Variants in CEP350 observed in about 807,000 individuals in gnomAD.
CEP350 encodes the protein centrosome-associated protein 350.
In CEP350, 126 loss-of-function variants were observed where a neutral mutation model predicts 331.8. The ratio of observed to expected loss-of-function variants is 0.38; its 90% CI spans 0.33 to 0.44. The LOEUF (loss-of-function observed/expected upper bound fraction) is 0.44. Among genes scored for constraint, CEP350 ranks in the 20% least tolerant of loss-of-function variants. The probability of loss-of-function intolerance (pLI) is 1.00; values close to 1 mark genes in which losing one functional copy is unlikely to be tolerated. For missense variants in CEP350, 3,406 were observed against 3,634.6 expected (o/e 0.94, Z 1.62); for synonymous variants, 1,200 against 1,259.5 (o/e 0.95, Z 1.00).
chr1:180,097,956 A>T (rs1382173838), intron 36 of CEP350, among the ~76,000 whole-genome samples: 1 of 151,906 alleles, frequency 6.6e-6, no homozygotes, highest in Non-Finnish European at 1.5e-5. Context: ...AGCTAATGGT[A>T]GTTTTGTTGT....
At position 180,084,168 on chromosome 1, in the gene CEP350, A is replaced by G; in HGVS notation, c.6275A>G (p.Lys2092Arg). Residue 2092 changes from lysine (K) to arginine (R), a missense_variant, in exon 31 of 38, where the codon AAG becomes AGG. Transcript: ENST00000367607. ...AAAGCCCAAGAAGCCAGTCTGATCA[A>G]GCAGTTAGAGGTTAGACATAGGAAG... ...RLKAQEASLI[K>R]QLESYDEFIK... 6.3e-7 allele frequency: 1 copy of G among 1,588,728 alleles called. No homozygotes were observed. Among genetic ancestry groups the G allele is most frequent in the Non-Finnish European group, 8.6e-7 (1 of 1,166,840 alleles).
At chr1:180,049,018 T>C (rs777619796) in intron 22 of CEP350, among the ~76,000 whole-genome samples, 1 of 152,108 alleles carries the variant, frequency 6.6e-6, no homozygotes, top group Non-Finnish European at 1.5e-5. Context: ...CAGTGAGCTA[T>C]GATTGAGACA....
At chr1:180,089,484 G>A (rs1286174983) in intron 32 of CEP350, among the ~76,000 whole-genome samples, 1 of 151,846 alleles carries the variant, frequency 6.6e-6, no homozygotes, top group Non-Finnish European at 1.5e-5. Flanking sequence ...TCAGGAGGCT[G>A]AGGCAGGAGC....
intron 27 of CEP350, 151 bp downstream of exon 27, chr1:180,065,423 G>A (rs2149023707): frequency 2.8e-6 from 1 of 361,204 alleles, no homozygotes. Context: ...TAACCTAGAA[G>A]CCAATTAACT....
At chr1:180,042,449 T>C (rs1432662303) in intron 19 of CEP350, among the ~76,000 whole-genome samples, 1 of 152,244 alleles carries the variant, frequency 6.6e-6, no homozygotes, top group Non-Finnish European at 1.5e-5. Context: ...GTTAGTACTA[T>C]TTGTAAAATG....
At chr1:180,107,914 A>T (rs1049024992) in intron 37 of CEP350, among the ~76,000 whole-genome samples, 1 of 152,208 alleles carries the variant, frequency 6.6e-6, no homozygotes, top group East Asian at 1.9e-4. Context: ...TAAATGTATT[A>T]ATTTTTACAT....
intron 25 of CEP350, among the ~76,000 whole-genome samples, chr1:180,056,452 T>G: frequency 7.2e-6 from 1 of 138,694 alleles, no homozygotes; most frequent in Admixed American, 7.1e-5. Context: ...TCTTCATGTA[T>G]TGCTTCTGCC....
rs533702619 is a variant in CEP350, at chr1:180,056,595, C to T, written c.5262+2093C>T. Among the ~76,000 whole-genome samples the T allele has an allele frequency of 2.6e-5, 4 of 151,702 alleles. No individual in the cohort carries two copies. In the East Asian group the frequency reaches 7.8e-4, roughly 29 times the overall value. ...AGCAATCCTCTCACCTAAGCCTCCC[C>T]TGTAGCTGGGACCACAGGTGTGCGC... On this transcript the variant is annotated intron_variant, in intron 25 of 37. Coordinates refer to ENST00000367607, the MANE Select transcript of CEP350 (RefSeq NM_014810.5).
At chr1:179,966,074 C>T (rs1210470870) in intron 1 of CEP350, among the ~76,000 whole-genome samples, 4 of 152,172 alleles carry the variant, frequency 2.6e-5, no homozygotes, top group African/African-American at 9.7e-5. Flanking sequence ...CTTACTTTAC[C>T]TGGCAACCTA....
intron 22 of CEP350, among the ~76,000 whole-genome samples, chr1:180,050,738 C>T (rs1024822860): frequency 8.1e-5 from 12 of 147,816 alleles, no homozygotes; most frequent in East Asian, 7.9e-4. Context: ...TACAAATGTA[C>T]GGAAGATCTG....
chr1:180,099,273 T>C (rs2149159338), intron 37 of CEP350, among the ~76,000 whole-genome samples: 1 of 152,336 alleles, frequency 6.6e-6, no homozygotes, highest in Admixed American at 6.5e-5. Context: ...CAGTGTGGAC[T>C]CTGGAGCCTG....
At chr1:180,050,533 T>G (rs1657415089) in intron 22 of CEP350, among the ~76,000 whole-genome samples, 1 of 151,794 alleles carries the variant, frequency 6.6e-6, no homozygotes, top group Admixed American at 6.6e-5. Flanking sequence ...CATGGTGGTA[T>G]GCGCCTGTAG....
chr1:180,064,203 A>G (rs567000834), intron 26 of CEP350, among the ~76,000 whole-genome samples: 1 of 152,070 alleles, frequency 6.6e-6, no homozygotes, highest in South Asian at 2.1e-4. Context: ...TTGGGCTTGC[A>G]GTTGTGTGTG....
At chr1:180,062,434 T>G in intron 26 of CEP350, 68 bp downstream of exon 26, 1 of 1,447,316 alleles carries the variant, frequency 6.9e-7, no homozygotes, top group Non-Finnish European at 9.1e-7. Flanking sequence ...CCCTGTCTCA[T>G]GTTCTAAGAT....
chr1:180,083,906 A>G (rs1250755344), intron 30 of CEP350, 112 bp from the exon 31 acceptor site: 3 of 510,052 alleles, frequency 5.9e-6, no homozygotes, highest in Non-Finnish European at 1.0e-5. Context: ...TTTAATTATT[A>G]GATTGGCTTT....
At chr1:180,059,769 T>C (rs561234842) in intron 25 of CEP350, among the ~76,000 whole-genome samples, 19 of 152,280 alleles carry the variant, frequency 1.2e-4, no homozygotes, top group African/African-American at 4.6e-4. Context: ...TAACTGACAA[T>C]ATATGTTGCC....
Position 180,017,609 on chromosome 1 carries a change from T to C in CEP350, c.2174+1639T>C, listed in dbSNP as rs1475675616. On this transcript the variant is annotated intron_variant, in intron 11 of 37. Transcript: ENST00000367607. ...CTTGTACCAGTTTCTCACTTTTCTT[T>C]TAATATCCAACTTCTTTGACTCCTG... Among the ~76,000 whole-genome samples, 5 of 152,240 alleles carry C rather than the reference T, an allele frequency of 3.3e-5. No homozygotes were observed. The East Asian group carries it at 5.8e-4, about 18-fold the overall frequency.
intron 36 of CEP350, among the ~76,000 whole-genome samples, chr1:180,097,213 C>T (rs1385915342): frequency 6.6e-6 from 1 of 152,258 alleles, no homozygotes; most frequent in African/African-American, 2.4e-5. Flanking sequence ...TGTTGGACCA[C>T]AGCCATACCT....
rs530876764 is a variant in CEP350 at position 180,009,552 on chromosome 1, T to TA, written c.1247-2375dup. On this transcript the variant is annotated intron_variant, in intron 8 of 37. Transcript: ENST00000367607. ...TTATGTAGTGAAATTCCTTTTTTTT[T>TA]AACCAATGACCGTGTGTAACTGTTC... Among the ~76,000 whole-genome samples, 25 of 152,308 alleles carry TA rather than the reference T, an allele frequency of 1.6e-4. No individual in the cohort carries two copies. The East Asian group carries it at 4.6e-3, about 28-fold the overall frequency.
Sources: gnomAD v4.1 joint callset for allele counts (sites outside exome capture counted in the v4.1 genomes callset) on GRCh38, gnomAD v4.1.1 for gene constraint, MANE v1.5 for transcripts, NCBI Gene and HGNC (gene_info 2026-07-23, HGNC 2026-07-21) for gene names.